CFAP299: variants seen among roughly 807,000 people sequenced by gnomAD.
CFAP299 encodes the protein cilia and flagella associated protein 299, also known as cilia- and flagella-associated protein 299.
Under a neutral mutation model 27.0 loss-of-function variants are expected in CFAP299, and 21 were observed. The ratio of observed to expected loss-of-function variants is 0.78; its 90% CI spans 0.55 to 1.12. CFAP299 has a LOEUF of 1.12. CFAP299 is among the 50% of genes most tolerant of loss of function. The pLI, the probability that CFAP299 is intolerant of heterozygous loss-of-function variation, is 0.00. For synonymous variants in CFAP299, 104 were observed against 98.1 expected (o/e 1.06, Z -0.36); for missense variants, 310 against 276.6 (o/e 1.12, Z -0.86).
At chr4:80,488,251 G>T (rs1242259905) in intron 2 of CFAP299, among the ~76,000 whole-genome samples, 1 of 152,144 alleles carries the variant, frequency 6.6e-6, no homozygotes, top group African/African-American at 2.4e-5. Flanking sequence ...AGAGAATGGG[G>T]TGTGGAGGAA....
intron 3 of CFAP299, chr4:80,648,899 G>A (rs997673809): frequency 2.6e-5 from 4 of 152,010 alleles, no homozygotes; most frequent in Non-Finnish European, 4.4e-5. Flanking sequence ...CTCTATTTTA[G>A]GGTATACAAA....
intron 4 of CFAP299, among the ~76,000 whole-genome samples, chr4:80,916,242 A>T (rs1264384993): frequency 6.9e-5 from 7 of 101,632 alleles, no homozygotes. Flanking sequence ...GGTCTGGGCA[A>T]CTAGACTGAA....
chr4:80,778,770 C>T (rs777006106), intron 3 of CFAP299, among the ~76,000 whole-genome samples: 19 of 151,954 alleles, frequency 1.3e-4, no homozygotes, highest in Admixed American at 2.0e-4. Context: ...CAGTTTTTCC[C>T]AATGCCAACA....
chr4:80,867,662 C>T (rs1183382611), intron 3 of CFAP299, among the ~76,000 whole-genome samples: 3 of 152,214 alleles, frequency 2.0e-5, no homozygotes, highest in Non-Finnish European at 4.4e-5. Context: ...ATAGTCTTGA[C>T]TCTGTGCACC....
chr4:80,460,327 A>G (rs1729377252), intron 2 of CFAP299, among the ~76,000 whole-genome samples: 1 of 152,184 alleles, frequency 6.6e-6, no homozygotes, highest in Non-Finnish European at 1.5e-5. Flanking sequence ...TTTTCTCTAC[A>G]GATGCAAATC....
intron 2 of CFAP299, among the ~76,000 whole-genome samples, chr4:80,366,134 T>G (rs565324280): frequency 1.3e-5 from 2 of 152,320 alleles, no homozygotes; most frequent in African/African-American, 2.4e-5. Context: ...TAGAGCCAAA[T>G]ATGTCCTGTG....
intron 2 of CFAP299, chr4:80,386,996 G>T: frequency 8.9e-7 from 1 of 1,127,604 alleles, no homozygotes; most frequent in Non-Finnish European, 1.4e-6. Context: ...TGCCCCCACT[G>T]CGGTGGGTTG....
chr4:80,572,779 A>G (rs1055420935), intron 2 of CFAP299, among the ~76,000 whole-genome samples: 4 of 151,808 alleles, frequency 2.6e-5, no homozygotes, highest in Admixed American at 2.6e-4. Context: ...GGCCTCCCAA[A>G]GTGCTGGAAT....
chr4:80,957,902 A>G (rs561403872), intron 5 of CFAP299, among the ~76,000 whole-genome samples: 1 of 152,306 alleles, frequency 6.6e-6, no homozygotes, highest in East Asian at 1.9e-4. Context: ...CTGTTTATAT[A>G]GGTATCTCAA....
At chr4:80,920,605 T>C (rs1230433106) in intron 4 of CFAP299, among the ~76,000 whole-genome samples, 1 of 152,198 alleles carries the variant, frequency 6.6e-6, no homozygotes, top group Admixed American at 6.6e-5. Flanking sequence ...GCCAGCCTAT[T>C]CTAAGACATG....
At chr4:80,636,162 T>G (rs575139830) in intron 3 of CFAP299, among the ~76,000 whole-genome samples, 2 of 152,146 alleles carry the variant, frequency 1.3e-5, no homozygotes, top group South Asian at 4.1e-4. Flanking sequence ...TTCCTCCTTC[T>G]TTAGAAGTAC....
chr4:80,360,344 G>A (rs753835169), intron 1 of CFAP299, among the ~76,000 whole-genome samples: 23 of 152,098 alleles, frequency 1.5e-4, no homozygotes, highest in Non-Finnish European at 2.4e-4. Flanking sequence ...TGCTGGAGGC[G>A]GTATTGGCTT....
chr4:80,506,248 G>T (rs1052938519), intron 2 of CFAP299, among the ~76,000 whole-genome samples: 7 of 151,832 alleles, frequency 4.6e-5, no homozygotes, highest in Non-Finnish European at 8.8e-5. Context: ...AAAAAGTTTT[G>T]GTTATAGTAA....
chr4:80,366,978 A>G (rs1477209304), intron 2 of CFAP299, among the ~76,000 whole-genome samples: 1 of 152,190 alleles, frequency 6.6e-6, no homozygotes, highest in African/African-American at 2.4e-5. Context: ...GCATGATACC[A>G]TTTATATAAA....
chr4:80,876,973 C>A (rs544192673), intron 4 of CFAP299, among the ~76,000 whole-genome samples: 1 of 152,266 alleles, frequency 6.6e-6, no homozygotes, highest in South Asian at 2.1e-4. Flanking sequence ...GCAGAAAACA[C>A]CCCTTTGTAC....
At chr4:80,892,549 A>C (rs1328449648) in intron 4 of CFAP299, among the ~76,000 whole-genome samples, 1 of 152,170 alleles carries the variant, frequency 6.6e-6, no homozygotes, top group Non-Finnish European at 1.5e-5. Flanking sequence ...CAAAGTAAAC[A>C]ATCAACAAAG....
At chr4:80,948,175 C>T (rs934359800) in intron 5 of CFAP299, among the ~76,000 whole-genome samples, 2 of 152,082 alleles carry the variant, frequency 1.3e-5, no homozygotes, top group African/African-American at 4.8e-5. Flanking sequence ...TTTACTTTGT[C>T]CAACACAGAT....
intron 2 of CFAP299, among the ~76,000 whole-genome samples, chr4:80,557,700 C>T (rs1734845093): frequency 6.6e-6 from 1 of 152,038 alleles, no homozygotes; most frequent in African/African-American, 2.4e-5. Flanking sequence ...TAATCTCCAT[C>T]ATTAAAAAAT....
At chr4:80,759,485 C>A (rs1725434484) in intron 3 of CFAP299, among the ~76,000 whole-genome samples, 1 of 152,094 alleles carries the variant, frequency 6.6e-6, no homozygotes, top group Admixed American at 6.5e-5. Context: ...GCTTAAAAAC[C>A]ATGAAAGAAA....
Sources: gnomAD v4.1 joint callset for allele counts (sites outside exome capture counted in the v4.1 genomes callset) on GRCh38, gnomAD v4.1.1 for gene constraint, MANE v1.5 for transcripts, NCBI Gene and HGNC (gene_info 2026-07-23, HGNC 2026-07-21) for gene names.